Variants in TMEM18 observed in about 807,000 individuals in gnomAD.
The protein encoded by TMEM18 is transmembrane protein 18.
TMEM18 carries 14 observed loss-of-function variants against 17.4 expected under a neutral mutation model. That is an observed-to-expected ratio of 0.80 (90% CI 0.53 to 1.25). TMEM18 has a LOEUF of 1.25. Ranked by LOEUF, TMEM18 falls within the 50% of genes most tolerant of loss-of-function variation. The pLI is 0.00. For synonymous variants in TMEM18, 86 were observed against 66.1 expected (o/e 1.30, Z -1.46); for missense variants, 187 against 172.1 (o/e 1.09, Z -0.48).
chr2:666,628 G>A lies in TMEM18; in HGVS notation c.*2952C>T, dbSNP rs1217196795. Among the ~76,000 whole-genome samples the A allele has an allele frequency of 6.6e-6, 1 of 152,084 alleles. No individual in the cohort carries two copies. Among genetic ancestry groups the A allele is most frequent in the Non-Finnish European group, 1.5e-5 (1 of 67,996 alleles). On this transcript the variant is annotated 3_prime_UTR_variant, in exon 5 of 5. Coordinates refer to ENST00000281017, the MANE Select transcript of TMEM18 (RefSeq NM_152834.4). ...TTCCCTGTGCAGCAACCAGGGCTTGGAGACATCTTCGCACCATCCTGGGAC... is the reference window on the plus strand; with the variant it reads ...TTCCCTGTGCAGCAACCAGGGCTTGAAGACATCTTCGCACCATCCTGGGAC...
At chr2:676,227 A>C (rs1269815027) in intron 1 of TMEM18, 1 of 1,399,234 alleles carries the variant, frequency 7.1e-7, no homozygotes, top group Non-Finnish European at 9.5e-7. Flanking sequence ...ACTCCCCGGG[A>C]CCCTGCTGTA....
Position 677,329 on chromosome 2 carries a change from G to C in TMEM18, c.17C>G (p.Ser6Cys). MPSAF[S>C]VSSFPVSIPA... ...GATGCTGACGGGGAAAGAGCTGACA[G>C]AGAAGGCGGACGGCATGGTGTTGGG... is the stretch of plus-strand genomic sequence containing the variant. The change falls in exon 1 of 5, where the codon TCT becomes TGT. Residue 6 changes from serine to cysteine, a missense_variant. Ser to Cys is a moderately radical substitution (Grantham distance 112, BLOSUM62 -1). Coordinates refer to ENST00000281017, the MANE Select transcript of TMEM18 (RefSeq NM_152834.4). 6.2e-7 allele frequency: 1 copy of C among 1,612,490 alleles called. No individual in the cohort carries two copies. The highest frequency in any genetic ancestry group is 1.7e-4 in the Middle Eastern group (1 of 6,060).
chr2:676,586 GGCACGGAGGTGAGGGGA>G, intron 1 of TMEM18: 1 of 1,550,504 alleles, frequency 6.4e-7, no homozygotes, highest in Non-Finnish European at 8.7e-7. Context: ...GAAGACCAGA[GGCACGGAGGTGAGGGGA>G]GCACGGCTTT....
At chr2:670,117 CAG>C (rs1678803591) in intron 3 of TMEM18, 1 of 415,972 alleles carries the variant, frequency 2.4e-6, no homozygotes, top group South Asian at 3.1e-5. Flanking sequence ...CCTCCCCCAG[CAG>C]AGAGACGTCA....
chr2:674,661 GTCTT>G (rs1439115844), intron 2 of TMEM18, among the ~76,000 whole-genome samples: 5 of 152,212 alleles, frequency 3.3e-5, no homozygotes, highest in Admixed American at 6.5e-5. Flanking sequence ...CACTTCTCCA[GTCTT>G]TCTAAGATCA....
rs1402811726 is a variant in TMEM18 at position 668,272 on chromosome 2, C to G, written c.*1308G>C. 5 of 152,182 alleles carry G rather than the reference C, an allele frequency of 3.3e-5. No individual in the cohort carries two copies. Among genetic ancestry groups the G allele is most frequent in the Non-Finnish European group, 7.3e-5 (5 of 68,040 alleles). 9.4% of individuals were successfully genotyped at this position (152,182 alleles called of 1,614,324 possible). On this transcript the variant is annotated 3_prime_UTR_variant, in exon 5 of 5. Transcript: ENST00000281017. ...TGCAATTTGGGTGGGGACACAAAGC[C>G]AAACCATATCAGATGGTGAAAATGT... is the stretch of plus-strand genomic sequence containing the variant.
In TMEM18 at chr2:664,085, C is replaced by CA. The variant is rs762121931; in HGVS notation, c.*5494dup. ...GCAATGATGCTGCCTGGGTATTTCA[C>CA]AGGCATTTGTATAATAAATGAAATG... On this transcript the variant is annotated 3_prime_UTR_variant, in exon 5 of 5. Coordinates refer to ENST00000281017, the MANE Select transcript of TMEM18 (RefSeq NM_152834.4). 4.6e-5 allele frequency among the ~76,000 whole-genome samples: 7 copies of CA among 152,204 alleles called. No individual in the cohort carries two copies. The highest frequency in any genetic ancestry group is 8.8e-5 in the Non-Finnish European group (6 of 68,040).
At chr2:672,909 A>T in intron 2 of TMEM18, 47 bp from the exon 3 acceptor site, 2 of 1,473,152 alleles carry the variant, frequency 1.4e-6, no homozygotes, top group South Asian at 2.8e-5. Context: ...GCCCGTTATT[A>T]CTCGTTATAA....
rs1678704084 is a variant in TMEM18, at chr2:666,810, G to A, written c.*2770C>T. Among the ~76,000 whole-genome samples the A allele has an allele frequency of 6.6e-6, 1 of 152,128 alleles. No individual in the cohort carries two copies. The highest frequency in any genetic ancestry group is 2.4e-5 in the African/African-American group (1 of 41,424). ...GGGCTTCAGTAAAGAGGGGAAGGCTGCACTGAAAACATGTTCTGGTTAACT... is the reference window on the plus strand; with the variant it reads ...GGGCTTCAGTAAAGAGGGGAAGGCTACACTGAAAACATGTTCTGGTTAACT... On this transcript the variant is annotated 3_prime_UTR_variant, in exon 5 of 5. Coordinates refer to ENST00000281017, the MANE Select transcript of TMEM18 (RefSeq NM_152834.4).
At chr2:677,178 C>T (rs1423026147) in intron 1 of TMEM18, 111 bp downstream of exon 1, 60 of 1,403,668 alleles carry the variant, frequency 4.3e-5, no homozygotes, top group Admixed American at 7.9e-5. Context: ...GCCACAAGGC[C>T]CCGCCCACGG....
In TMEM18 at chr2:677,396, A is replaced by G. The variant is rs1334817618; in HGVS notation, c.-51T>C. ...CAACCGCCGAACCCGGCCTGGCCAG[A>G]ATCCACAGAGGAGGGCGCCAAATCC... is the stretch of plus-strand genomic sequence containing the variant. On this transcript the variant is annotated 5_prime_UTR_variant, in exon 1 of 5. Coordinates refer to ENST00000281017, the MANE Select transcript of TMEM18 (RefSeq NM_152834.4). 1 of 1,597,374 alleles carries G rather than the reference A, an allele frequency of 6.3e-7. No homozygotes were observed. The highest frequency in any genetic ancestry group is 1.7e-5 in the Admixed American group (1 of 57,204).
intron 1 of TMEM18, chr2:676,882 C>T (rs1360799158): frequency 6.9e-6 from 4 of 582,200 alleles, no homozygotes; most frequent in African/African-American, 1.9e-5. Flanking sequence ...CCTCGCGCTC[C>T]GCCCACACAA....
intron 2 of TMEM18, among the ~76,000 whole-genome samples, chr2:673,180 T>C (rs545466328): frequency 3.8e-4 from 58 of 152,228 alleles, no homozygotes; most frequent in African/African-American, 1.3e-3. Flanking sequence ...CTCACACATT[T>C]CCCCAGGGAC....
rs1005443509 is a variant in TMEM18, at chr2:666,943, T to C, written c.*2637A>G. Among the ~76,000 whole-genome samples the C allele has an allele frequency of 6.6e-6, 1 of 151,910 alleles. No individual in the cohort carries two copies. Among genetic ancestry groups the C allele is most frequent in the Non-Finnish European group, 1.5e-5 (1 of 68,026 alleles). On this transcript the variant is annotated 3_prime_UTR_variant, in exon 5 of 5. Transcript: ENST00000281017. ...ACCGGTATATCTCTGACGGCAATTC[T>C]CGTCTGTCTTTAAGCATCCCACTCA...
At chr2:677,172 CA>C in intron 1 of TMEM18, 116 bp downstream of exon 1, 1 of 1,362,036 alleles carries the variant, frequency 7.3e-7, no homozygotes, top group Non-Finnish European at 1.0e-6. Context: ...CGCTCCGCCA[CA>C]AGGCCCCGCC....
intron 1 of TMEM18, chr2:676,342 C>A (rs558884360): frequency 1.4e-6 from 2 of 1,457,478 alleles, no homozygotes; most frequent in Non-Finnish European, 1.8e-6. Flanking sequence ...AGTCCTCAAC[C>A]CTCCCCATCC....
intron 2 of TMEM18, 148 bp from the exon 3 acceptor site, chr2:673,010 C>T: frequency 9.3e-6 from 7 of 750,876 alleles, no homozygotes; most frequent in Non-Finnish European, 1.4e-5. Context: ...ATTGTCAAGT[C>T]GTAGGACTCA....
intron 1 of TMEM18, 160 bp downstream of exon 1, chr2:677,129 T>C (rs1444810587): frequency 2.0e-5 from 17 of 870,856 alleles, no homozygotes; most frequent in Non-Finnish European, 2.9e-5. Context: ...CCCGAGCCAC[T>C]CCCACAGGTC....
chr2:674,595 GAGCTTGCT>G (rs1678946103), intron 2 of TMEM18, among the ~76,000 whole-genome samples: 1 of 152,218 alleles, frequency 6.6e-6, no homozygotes, highest in Admixed American at 6.5e-5. Context: ...CCTCAATACA[GAGCTTGCT>G]CTGAGCGCCT....
Sources: gnomAD v4.1 joint callset for allele counts (sites outside exome capture counted in the v4.1 genomes callset) on GRCh38, gnomAD v4.1.1 for gene constraint, MANE v1.5 for transcripts, NCBI Gene and HGNC (gene_info 2026-07-23, HGNC 2026-07-21) for gene names.